MBP: variants seen among roughly 807,000 people sequenced by gnomAD.
MBP encodes Golli-MBP.
Under a neutral mutation model 35.8 loss-of-function variants are expected in MBP, and 16 were observed. That is an observed-to-expected ratio of 0.45 (90% confidence interval 0.30 to 0.68). The LOEUF (loss-of-function observed/expected upper bound fraction) is 0.68. MBP is among the 30% of genes least tolerant of loss of function. The pLI is 0.08. For synonymous variants in MBP, 143 were observed against 159.6 expected (o/e 0.90, Z 0.78); for missense variants, 380 against 404.7 (o/e 0.94, Z 0.52).
At position 77,025,571 on chromosome 18, in the gene MBP, G is replaced by T. The variant is rs150823109; in HGVS notation, c.140-8303C>A. 6.6e-3 allele frequency among the ~76,000 whole-genome samples: 1,003 copies of T among 152,258 alleles called. 2 individuals carry two copies. Among genetic ancestry groups the T allele is most frequent in the Non-Finnish European group, 0.01 (693 of 68,022 alleles). ...ACAGTATGAAGCTCACCGTGCAACG[G>T]CTCCAGGCTTGTTTAGGAAACTGTC... is the stretch of plus-strand genomic sequence containing the variant. On this transcript the variant is annotated intron_variant, in intron 3 of 8. Coordinates refer to ENST00000355994, the MANE Select transcript of MBP (RefSeq NM_001025101.2).
In MBP at chr18:77,124,625, CCCTCGGGGCCAGTGGGGG is replaced by C. The variant is rs772628424; in HGVS notation, c.-26+7937_-26+7954del. Among the ~76,000 whole-genome samples the C allele has an allele frequency of 1.9e-3, 289 of 152,306 alleles. 1 individual carries two copies. The highest frequency in any genetic ancestry group is 2.9e-3 in the Non-Finnish European group (200 of 68,018). On this transcript the variant is annotated intron_variant, in intron 1 of 8. Coordinates refer to ENST00000355994, the MANE Select transcript of MBP (RefSeq NM_001025101.2). Reference sequence around the variant, plus strand: ...ATGGGAGAGGAAAGGAGCAAAGTCTCCCTCGGGGCCAGTGGGGGAGAGCCCACCCACAGGAGATAGGAG... The same window carrying C: ...ATGGGAGAGGAAAGGAGCAAAGTCTCAGAGCCCACCCACAGGAGATAGGAG...
At chr18:77,062,997 C>T (rs879943231) in intron 3 of MBP, among the ~76,000 whole-genome samples, 15 of 152,166 alleles carry the variant, frequency 9.9e-5, no homozygotes, top group African/African-American at 1.9e-4. Context: ...GACCATCACA[C>T]GATCACGGTG....
chr18:77,010,749 ATTATC>A (rs1233043976), intron 4 of MBP, among the ~76,000 whole-genome samples: 1 of 152,190 alleles, frequency 6.6e-6, no homozygotes, highest in Non-Finnish European at 1.5e-5. Context: ...AACTTAATGT[ATTATC>A]TTTGTCAGTT....
At position 77,017,165 on chromosome 18, in the gene MBP, G is replaced by A. The variant is rs150638800; in HGVS notation, c.243C>T (p.His81=). 9.9e-4 allele frequency: 1,534 copies of A among 1,549,846 alleles called. No homozygotes were observed. Among genetic ancestry groups the A allele is most frequent in the Non-Finnish European group, 1.3e-3 (1,487 of 1,146,974 alleles). ...ADPKNAWQDA[H]PADPGSRPHL... ...GGGGGCGGCTCCCTGGGTCAGCTGG[G>A]TGGGCATCCTGCCAGGCATTCTTCG... The change falls in exon 4 of 9, where the codon CAC becomes CAT. Residue 81 remains histidine (H), a synonymous_variant. Coordinates refer to ENST00000355994, the MANE Select transcript of MBP (RefSeq NM_001025101.2).
intron 2 of MBP, among the ~76,000 whole-genome samples, chr18:77,096,216 G>A (rs1236228313): frequency 1.3e-5 from 2 of 152,216 alleles, no homozygotes; most frequent in African/African-American, 4.8e-5. Context: ...CAAAGTGAAA[G>A]ATTCTATTTA....
chr18:77,103,985 CTT>C (rs933039736), intron 2 of MBP, among the ~76,000 whole-genome samples: 6 of 152,244 alleles, frequency 3.9e-5, no homozygotes, highest in African/African-American at 7.2e-5. Flanking sequence ...ATTCGAATGA[CTT>C]TTAATTTGCA....
chr18:77,098,871 C>T (rs749540683), intron 2 of MBP, among the ~76,000 whole-genome samples: 52 of 152,318 alleles, frequency 3.4e-4, no homozygotes, highest in Admixed American at 1.2e-3. Context: ...TTTTTATCCA[C>T]GGCAATCCTT....
At chr18:76,980,866 G>A in intron 8 of MBP, 2 of 200,676 alleles carry the variant, frequency 1.0e-5, no homozygotes, top group South Asian at 8.7e-5. Context: ...GACAACAGGA[G>A]CAACTTCTTT....
chr18:76,988,353 G>T lies in MBP; in HGVS notation c.750+142C>A, dbSNP rs762176659. 2.5e-6 allele frequency: 4 copies of T among 1,608,990 alleles called. No homozygotes were observed. Among genetic ancestry groups the T allele is most frequent in the Middle Eastern group, 1.7e-4 (1 of 6,054 alleles). On this transcript the variant is annotated intron_variant, in intron 7 of 8. Transcript: ENST00000355994. This position sits in a 1 kb window ranked among gnomAD's most constrained non-coding sequence, Gnocchi z 5.2. ...TCCCCAGTGGAAGACAAGGCGGCCC[G>T]ATCCCAGCTGTGGGCAGAGAGGTCT...
intron 3 of MBP, among the ~76,000 whole-genome samples, chr18:77,027,683 GAA>G (rs1292133166): frequency 1.3e-5 from 2 of 152,114 alleles, no homozygotes; most frequent in African/African-American, 4.8e-5. Flanking sequence ...TATTTTGACA[GAA>G]AAAAATTATT....
chr18:76,993,380 C>CT (rs1348595720), intron 4 of MBP, among the ~76,000 whole-genome samples: 4 of 86,716 alleles, frequency 4.6e-5, no homozygotes, highest in Non-Finnish European at 9.9e-5. Context: ...TGGTGAAACC[C>CT]CTCTCTACTA....
Position 76,990,073 on chromosome 18 carries a change from G to A in MBP, c.577-13C>T, listed in dbSNP as rs186412680. 1.3e-6 allele frequency: 2 copies of A among 1,592,412 alleles called. No individual in the cohort carries two copies. The highest frequency in any genetic ancestry group is 4.5e-5 in the East Asian group (2 of 44,724). On this transcript the variant is annotated splice_polypyrimidine_tract_variant and intron_variant, in intron 4 of 8. Coordinates refer to ENST00000355994, the MANE Select transcript of MBP (RefSeq NM_001025101.2). Reference sequence around the variant, plus strand: ...GGTGGTGTGAGTCCTGAAACACAGAGGCGCGGTGACCTCAGGACAAGTCCA... The same window carrying A: ...GGTGGTGTGAGTCCTGAAACACAGAAGCGCGGTGACCTCAGGACAAGTCCA...
chr18:77,076,280 C>T (rs77870478), intron 2 of MBP, among the ~76,000 whole-genome samples: 8,050 of 152,318 alleles, frequency 0.053, 331 homozygotes, highest in Non-Finnish European at 0.075. Context: ...CTTGGCCTGA[C>T]CTTGATGAGG....
intron 8 of MBP, 165 bp from the exon 9 acceptor site, chr18:76,980,636 C>T (rs1418977985): frequency 2.1e-5 from 13 of 610,202 alleles, no homozygotes; most frequent in Admixed American, 5.8e-5. Flanking sequence ...CCATTTCTCC[C>T]GACCTCCCTC....
At chr18:76,995,607 A>T (rs1328361454) in intron 4 of MBP, among the ~76,000 whole-genome samples, 3 of 152,226 alleles carry the variant, frequency 2.0e-5, no homozygotes, top group Non-Finnish European at 1.5e-5. Flanking sequence ...GCATTGAAGC[A>T]ATTGAACATC....
At chr18:77,122,914 G>A (rs576624390) in intron 1 of MBP, among the ~76,000 whole-genome samples, 6 of 152,228 alleles carry the variant, frequency 3.9e-5, no homozygotes, top group South Asian at 2.1e-4. Flanking sequence ...CTCCTCTACC[G>A]AGCACAACCC....
rs551373349 is a variant in MBP at position 77,102,301 on chromosome 18, A to G, written c.51+2910T>C. Among the ~76,000 whole-genome samples the G allele has an allele frequency of 1.2e-4, 19 of 152,084 alleles. No individual in the cohort carries two copies. In the South Asian group the frequency reaches 2.9e-3, roughly 23 times the overall value. On this transcript the variant is annotated intron_variant, in intron 2 of 8. Coordinates refer to ENST00000355994, the MANE Select transcript of MBP (RefSeq NM_001025101.2). This position sits in a 1 kb window ranked among gnomAD's most constrained non-coding sequence, Gnocchi z 4.4. Reference sequence around the variant, plus strand: ...CTGAAACTGACAGAAACTTTCCTTGACTCTCTCATAAGGGGGAAAAATGCC... The same window carrying G: ...CTGAAACTGACAGAAACTTTCCTTGGCTCTCTCATAAGGGGGAAAAATGCC...
intron 3 of MBP, among the ~76,000 whole-genome samples, chr18:77,039,406 A>G (rs1972896121): frequency 6.6e-6 from 1 of 152,202 alleles, no homozygotes; most frequent in South Asian, 2.1e-4. Context: ...GTGAGAGACT[A>G]TTTGCACTGT....
At chr18:76,999,393 T>G (rs530116153) in intron 4 of MBP, among the ~76,000 whole-genome samples, 1 of 151,940 alleles carries the variant, frequency 6.6e-6, no homozygotes, top group East Asian at 1.9e-4. Flanking sequence ...AAGGTCATCC[T>G]GAAAGTGAAC....
Sources: allele counts gnomAD v4.1 joint callset (sites outside exome capture counted in the v4.1 genomes callset), GRCh38; gene constraint gnomAD v4.1.1; non-coding constraint Gnocchi (gnomAD v3.1); transcripts MANE v1.5; gene names NCBI Gene and HGNC (gene_info 2026-07-23, HGNC 2026-07-21).